The following KCNMA1 variants were observed in gnomAD, a reference collection of about 807,000 sequenced individuals.
The protein encoded by KCNMA1 is Calcium-activated potassium channel subunit alpha-1.
KCNMA1 carries 29 observed loss-of-function variants against 140.0 expected under a neutral mutation model. The ratio of observed to expected loss-of-function variants is 0.21; its 90% confidence interval spans 0.15 to 0.28. KCNMA1 has a LOEUF of 0.28. KCNMA1 is among the 10% of genes least tolerant of loss of function. The pLI, the probability that KCNMA1 is intolerant of heterozygous loss-of-function variation, is 1.00. For synonymous variants in KCNMA1, 612 were observed against 611.9 expected, an observed-to-expected ratio of 1.00 and a Z score of 0.00; for missense variants, 880 against 1,602.2, an observed-to-expected ratio of 0.55 and a Z score of 7.70.
chr10:76,904,059 T>C (rs2046763355), intron 25 of KCNMA1: 1 of 152,240 alleles, frequency 6.6e-6, no homozygotes, highest in Admixed American at 6.5e-5. Flanking sequence ...AAAAATCTGC[T>C]TCTTTGTAAT....
intron 9 of KCNMA1, among the ~76,000 whole-genome samples, chr10:77,106,362 T>TC: frequency 6.6e-6 from 1 of 151,840 alleles, no homozygotes; most frequent in South Asian, 2.1e-4. Flanking sequence ...TGATCTGAAG[T>TC]CATCAGCACC....
intron 1 of KCNMA1, among the ~76,000 whole-genome samples, chr10:77,570,081 G>A (rs2070345801): frequency 6.6e-6 from 1 of 151,562 alleles, no homozygotes; most frequent in South Asian, 2.1e-4. Context: ...AAAAAGTCAG[G>A]AAACAACAGG....
chr10:77,482,697 G>A (rs1320912857), intron 1 of KCNMA1, among the ~76,000 whole-genome samples: 1 of 152,046 alleles, frequency 6.6e-6, no homozygotes, highest in Non-Finnish European at 1.5e-5. Context: ...AGAACAAGAA[G>A]AGCTGGGAGC....
intron 5 of KCNMA1, among the ~76,000 whole-genome samples, chr10:77,138,650 C>A (rs1295139876): frequency 1.3e-5 from 2 of 152,186 alleles, no homozygotes; most frequent in Non-Finnish European, 2.9e-5. Context: ...TGCCAAAAGC[C>A]ATTACATGGC....
At chr10:77,088,497 T>C (rs982645847) in intron 10 of KCNMA1, among the ~76,000 whole-genome samples, 4 of 152,124 alleles carry the variant, frequency 2.6e-5, no homozygotes, top group Non-Finnish European at 5.9e-5. Context: ...TGGTGCCATC[T>C]TGACTCACTG....
At chr10:77,507,243 G>T (rs575585265) in intron 1 of KCNMA1, among the ~76,000 whole-genome samples, 1 of 152,140 alleles carries the variant, frequency 6.6e-6, no homozygotes, top group Non-Finnish European at 1.5e-5. Context: ...TTGCAACTTC[G>T]TTTGGCTCCC....
intron 20 of KCNMA1, among the ~76,000 whole-genome samples, chr10:76,957,273 A>G (rs1267683005): frequency 1.3e-5 from 2 of 152,156 alleles, no homozygotes; most frequent in Non-Finnish European, 2.9e-5. Flanking sequence ...GGGCCAAATA[A>G]TGGCACCTAA....
intron 24 of KCNMA1, chr10:76,913,605 G>T (rs79128876): frequency 0.023 from 3,540 of 154,276 alleles, 137 homozygotes; most frequent in African/African-American, 0.08. Context: ...AACAGCTGGA[G>T]GGAAAGTGCC....
downstream of KCNMA1, among the ~76,000 whole-genome samples, chr10:76,880,308 C>A (rs2034104864): frequency 6.6e-6 from 1 of 151,754 alleles, no homozygotes; most frequent in African/African-American, 2.4e-5. Context: ...ACATTTCTTG[C>A]CATTAAAAAA....
chr10:77,631,999 A>C (rs2093273211), intron 1 of KCNMA1, among the ~76,000 whole-genome samples: 1 of 152,178 alleles, frequency 6.6e-6, no homozygotes, highest in Non-Finnish European at 1.5e-5. Flanking sequence ...CAGGTGAGGA[A>C]ACTGAGGCAC....
At chr10:77,203,946 A>T (rs2154160223) in intron 3 of KCNMA1, among the ~76,000 whole-genome samples, 1 of 152,104 alleles carries the variant, frequency 6.6e-6, no homozygotes, top group African/African-American at 2.4e-5. Context: ...GAATACAAAA[A>T]TTAGCTGGGC....
At chr10:77,565,217 T>C (rs560660050) in intron 1 of KCNMA1, among the ~76,000 whole-genome samples, 107 of 152,228 alleles carry the variant, frequency 7.0e-4, no homozygotes, top group Admixed American at 1.2e-3. Flanking sequence ...TGTGAATCCC[T>C]CCAGGCTCAG....
chr10:76,963,236 A>C (rs1286482043), intron 20 of KCNMA1, among the ~76,000 whole-genome samples: 1 of 152,194 alleles, frequency 6.6e-6, no homozygotes, highest in Non-Finnish European at 1.5e-5. Context: ...ATTCTTCAAA[A>C]GAGTGGTTCT....
In KCNMA1 at chr10:76,949,175, C is replaced by T. The variant is rs143184179; in HGVS notation, c.2676G>A (p.Thr892=). 1.1e-5 allele frequency: 17 copies of T among 1,614,072 alleles called. No individual in the cohort carries two copies. In the East Asian group the frequency reaches 1.1e-4, roughly 11 times the overall value. Residue 892 remains threonine (T), a synonymous_variant, in exon 22 of 28, where the codon ACG becomes ACA. Coordinates refer to ENST00000286628, the MANE Select transcript of KCNMA1 (RefSeq NM_001161352.2). ...SIEYLKREWE[T]LHNFPKVSIL... The stretch of plus-strand genomic sequence containing the variant: ...TGGACACTTTGGGGAAGTTATGAAG[C>T]GTCTCCCATTCCCGCTTGAGGTACT...
At chr10:77,284,685 T>C (rs889853530) in intron 2 of KCNMA1, among the ~76,000 whole-genome samples, 4 of 152,072 alleles carry the variant, frequency 2.6e-5, no homozygotes, top group Non-Finnish European at 5.9e-5. Context: ...AGCTAATTTT[T>C]GTATTTTTAG....
intron 5 of KCNMA1, among the ~76,000 whole-genome samples, chr10:77,164,179 C>A (rs577584448): frequency 2.8e-4 from 43 of 152,212 alleles, no homozygotes; most frequent in Non-Finnish European, 4.0e-4. Flanking sequence ...CCTGATGCAT[C>A]TTCCTGAGTG....
intron 14 of KCNMA1, 149 bp from the exon 15 acceptor site, chr10:77,039,786 A>G (rs2094544375): frequency 1.5e-6 from 1 of 684,888 alleles, no homozygotes; most frequent in Admixed American, 2.0e-5. Flanking sequence ...CTCTGCACCC[A>G]TATAAAGCCT....
At chr10:77,139,099 TAGTG>T (rs2098115040) in intron 5 of KCNMA1, among the ~76,000 whole-genome samples, 1 of 152,234 alleles carries the variant, frequency 6.6e-6, no homozygotes, top group African/African-American at 2.4e-5. Context: ...GACTGGTACA[TAGTG>T]AGTACTCACT....
intron 1 of KCNMA1, among the ~76,000 whole-genome samples, chr10:77,407,439 G>T (rs918146316): frequency 6.6e-6 from 1 of 152,204 alleles, no homozygotes; most frequent in East Asian, 1.9e-4. Flanking sequence ...GGCCACCATT[G>T]AACAAGCCAG....
Sources: allele counts gnomAD v4.1 joint callset (sites outside exome capture counted in the v4.1 genomes callset), GRCh38; gene constraint gnomAD v4.1.1; transcripts MANE v1.5; gene names NCBI Gene and HGNC (gene_info 2026-07-23, HGNC 2026-07-21).